The following ZNF77 variants were observed in gnomAD, a reference collection of about 807,000 sequenced individuals.
The protein encoded by ZNF77 is zinc finger protein 77.
In ZNF77, 15 loss-of-function variants were observed where a neutral mutation model predicts 13.5. The ratio of observed to expected loss-of-function variants is 1.11; its 90% CI spans 0.74 to 1.71. ZNF77 has a LOEUF of 1.71. ZNF77 is among the 40% of genes most tolerant of loss of function. The pLI, the probability that ZNF77 is intolerant of heterozygous loss-of-function variation, is 0.00. For missense variants in ZNF77, 717 were observed against 676.4 expected, an observed-to-expected ratio of 1.06 and a Z score of -0.67; for synonymous variants, 282 against 250.0, an observed-to-expected ratio of 1.13 and a Z score of -1.21.
At chr19:2,936,477 T>G (rs750831937) in intron 3 of ZNF77, 47 bp downstream of exon 3, 3 of 1,518,972 alleles carry the variant, frequency 2.0e-6, no homozygotes, top group Non-Finnish European at 2.6e-6. Context: ...GCAAGTTAGT[T>G]TGATGCTCTG....
In ZNF77 at chr19:2,934,628, A is replaced by G. The variant is rs1415005701; in HGVS notation, c.499T>C (p.Cys167Arg). ...SHTGQRPCKE[C>R]GQACSCLSCQ... Reference sequence around the variant, plus strand: ...GAGAGGCAGCTGCAGGCTTGCCCACATTCCTTACACGGTCTCTGTCCAGTG... The same window carrying G: ...GAGAGGCAGCTGCAGGCTTGCCCACGTTCCTTACACGGTCTCTGTCCAGTG... Residue 167 changes from cysteine (C) to arginine (R), a missense_variant, in exon 4 of 4, where the codon TGT becomes CGT. Transcript: ENST00000314531. 1.2e-6 allele frequency: 2 copies of G among 1,614,036 alleles called. No homozygotes were observed. The highest frequency in any genetic ancestry group is 1.1e-5 in the South Asian group (1 of 91,082).
chr19:2,940,349 C>G (rs117313139), intron 1 of ZNF77, among the ~76,000 whole-genome samples: 7,667 of 151,588 alleles, frequency 0.051, 270 homozygotes, highest in Non-Finnish European at 0.071. Context: ...CACAGTGAAA[C>G]CCTGTCTCTA....
chr19:2,936,511 G>A lies in ZNF77; in HGVS notation c.311+13C>T. ...TGCGGAGAGGCCCATCCCTCCGGTT[G>A]AGCGCCACTCACCTCAGATGCCTCT... is the stretch of plus-strand genomic sequence containing the variant. On this transcript the variant is annotated intron_variant, in intron 3 of 3. Transcript: ENST00000314531. 6.3e-7 allele frequency: 1 copy of A among 1,576,542 alleles called. No individual in the cohort carries two copies. The highest frequency in any genetic ancestry group is 8.6e-7 in the Non-Finnish European group (1 of 1,167,588).
At chr19:2,936,433 G>A (rs2088397219) in intron 3 of ZNF77, 91 bp downstream of exon 3, 2 of 1,387,190 alleles carry the variant, frequency 1.4e-6, no homozygotes, top group East Asian at 2.6e-5. Flanking sequence ...ACAGGCGCGA[G>A]CCCCTGTGCC....
intron 2 of ZNF77, among the ~76,000 whole-genome samples, chr19:2,937,378 G>C (rs1450065767): frequency 6.6e-6 from 1 of 151,950 alleles, no homozygotes; most frequent in Non-Finnish European, 1.5e-5. Context: ...CCAGCTACTC[G>C]GGAGGCTGAG....
rs372280417 is a variant in ZNF77, at chr19:2,934,127, T to G, written c.1000A>C (p.Thr334Pro). The G allele has an allele frequency of 6.2e-7, 1 of 1,614,008 alleles. No individual in the cohort carries two copies. The change falls in exon 4 of 4, where the codon ACT becomes CCT. Residue 334 changes from threonine (T) to proline (P), a missense_variant. Transcript: ENST00000314531. ...CQCKHCGKAF[T>P]CYSSLREHGR... ...TGTTCTCGAAGAGACGAGTAACAAG[T>G]GAACGCTTTTCCGCAATGTTTACAC...
chr19:2,941,745 G>GC (rs2144969630), intron 1 of ZNF77, among the ~76,000 whole-genome samples: 1 of 152,232 alleles, frequency 6.6e-6, no homozygotes, highest in East Asian at 1.9e-4. Flanking sequence ...TACAGAATGC[G>GC]CATCTGTCTG....
chr19:2,934,871 A>G, intron 3 of ZNF77, 56 bp from the exon 4 acceptor site: 1 of 1,524,430 alleles, frequency 6.6e-7, no homozygotes, highest in Non-Finnish European at 8.8e-7. Context: ...TGATTAATTT[A>G]TTAATGGTTT....
rs1004691610 is a variant in ZNF77, at chr19:2,936,194, C to T, written c.311+330G>A. On this transcript the variant is annotated intron_variant, in intron 3 of 3. Transcript: ENST00000314531. ...TGGAGCTTTGCTCTTGTTGCCCAGG[C>T]TGGAGTGCAATGGTGCGATCTCAGC... 4.6e-5 allele frequency among the ~76,000 whole-genome samples: 7 copies of T among 151,826 alleles called. No individual in the cohort carries two copies. The East Asian group carries it at 1.4e-3, about 29-fold the overall frequency.
intron 1 of ZNF77, among the ~76,000 whole-genome samples, chr19:2,941,923 T>C (rs2088452238): frequency 1.3e-5 from 2 of 152,076 alleles, no homozygotes; most frequent in Non-Finnish European, 2.9e-5. Flanking sequence ...TAATGGAAGA[T>C]GCAACGTCTT....
rs74442416 is a variant in ZNF77, at chr19:2,941,538, C to T, written c.4-2131G>A. Among the ~76,000 whole-genome samples the T allele has an allele frequency of 7.1e-3, 1,075 of 152,126 alleles. 7 individuals are homozygous for T. The highest frequency in any genetic ancestry group is 9.6e-3 in the Non-Finnish European group (653 of 67,992). Reference sequence around the variant, plus strand: ...ACCACTTTCAGCCCGTGTTAAAGGACAAAGGGGTGAGTGGTGGATTCTAGA... The same window carrying T: ...ACCACTTTCAGCCCGTGTTAAAGGATAAAGGGGTGAGTGGTGGATTCTAGA... On this transcript the variant is annotated intron_variant, in intron 1 of 3. Coordinates refer to ENST00000314531, the MANE Select transcript of ZNF77 (RefSeq NM_021217.3).
chr19:2,933,836 T>C lies in ZNF77; in HGVS notation c.1291A>G (p.Thr431Ala), dbSNP rs565356148. The change falls in exon 4 of 4, where the codon ACT (threonine) becomes GCT (alanine). Residue 431 changes from threonine to alanine, a missense_variant. Physicochemically the swap from Thr to Ala is moderately conservative, Grantham distance 58 (BLOSUM62 0). Transcript: ENST00000314531. ...TTACACTCAAAGGGCTTCTCTCCAG[T>C]ATGCGTCCTCACGTGGATTCGAAGG... ...SSLRIHVRTH[T>A]GEKPFECKHC... 6.2e-7 allele frequency: 1 copy of C among 1,613,752 alleles called. No individual in the cohort carries two copies. The highest frequency in any genetic ancestry group is 8.5e-7 in the Non-Finnish European group (1 of 1,179,738).
At chr19:2,941,828 G>A (rs183920386) in intron 1 of ZNF77, among the ~76,000 whole-genome samples, 2 of 152,280 alleles carry the variant, frequency 1.3e-5, no homozygotes, top group East Asian at 3.9e-4. Flanking sequence ...CTAAGTCAGT[G>A]CTAGTTTCAT....
rs771056511 is a variant in ZNF77 at position 2,933,459 on chromosome 19, C to A, written c.*30G>T. The A allele has an allele frequency of 6.6e-7, 1 of 1,513,686 alleles. No homozygotes were observed. Among genetic ancestry groups the A allele is most frequent in the East Asian group, 2.3e-5 (1 of 43,750 alleles). The allele number at this position is 1,513,686 out of a possible 1,614,324, so 93.8% of individuals were successfully genotyped here. On this transcript the variant is annotated 3_prime_UTR_variant, in exon 4 of 4. Coordinates refer to ENST00000314531, the MANE Select transcript of ZNF77 (RefSeq NM_021217.3). ...TTTACAACAAGGTTTTACGGTTGAACACTCTCCCAGGTCCACTGTATTCGT... is the reference window on the plus strand; with the variant it reads ...TTTACAACAAGGTTTTACGGTTGAAAACTCTCCCAGGTCCACTGTATTCGT...
intron 1 of ZNF77, 32 bp downstream of exon 1, chr19:2,944,805 TG>T: frequency 6.6e-7 from 1 of 1,510,844 alleles, no homozygotes; most frequent in Non-Finnish European, 8.8e-7. Context: ...CACCTCGCCC[TG>T]GGCCCGGGCT....
At chr19:2,936,935 G>A (rs558219690) in intron 2 of ZNF77, among the ~76,000 whole-genome samples, 24 of 152,272 alleles carry the variant, frequency 1.6e-4, no homozygotes, top group East Asian at 1.5e-3. Context: ...AAAGCACTGC[G>A]GGGCCAAGGT....
At chr19:2,936,051 TA>T (rs1319726541) in intron 3 of ZNF77, among the ~76,000 whole-genome samples, 3 of 148,670 alleles carry the variant, frequency 2.0e-5, no homozygotes, top group Non-Finnish European at 4.5e-5. Flanking sequence ...AAAAATAAAA[TA>T]AAATAAATAA....
chr19:2,938,880 C>T (rs530414392), intron 2 of ZNF77, among the ~76,000 whole-genome samples: 9 of 151,758 alleles, frequency 5.9e-5, no homozygotes, highest in East Asian at 1.9e-4. Context: ...GGCATGAACC[C>T]GGGAGGCGGA....
chr19:2,942,503 T>G (rs947191734), intron 1 of ZNF77, among the ~76,000 whole-genome samples: 2 of 149,478 alleles, frequency 1.3e-5, no homozygotes, highest in Non-Finnish European at 3.0e-5. Context: ...GGACCACAGG[T>G]GCGCATCCCC....
Sources: gnomAD v4.1 joint callset for allele counts (sites outside exome capture counted in the v4.1 genomes callset) on GRCh38, gnomAD v4.1.1 for gene constraint, MANE v1.5 for transcripts, NCBI Gene and HGNC (gene_info 2026-07-23, HGNC 2026-07-21) for gene names.